Variants in EIF4G3 observed in about 807,000 individuals in gnomAD.
EIF4G3 encodes the protein eukaryotic translation initiation factor 4 gamma 3.
Under a neutral mutation model 186.4 loss-of-function variants are expected in EIF4G3, and 34 were observed. The ratio of observed to expected loss-of-function variants is 0.18; its 90% CI spans 0.14 to 0.24. The LOEUF is 0.24. Ranked by LOEUF, EIF4G3 falls within the 10% of genes least tolerant of loss-of-function variation. EIF4G3 has a pLI of 1.00. For missense variants in EIF4G3, 1,536 were observed against 1,948.5 expected, an observed-to-expected ratio of 0.79 and a Z score of 3.99; for synonymous variants, 673 against 679.5, an observed-to-expected ratio of 0.99 and a Z score of 0.15.
chr1:21,014,635 C>CATT (rs2088302959), intron 4 of EIF4G3, among the ~76,000 whole-genome samples: 1 of 128,184 alleles, frequency 7.8e-6, no homozygotes. Flanking sequence ...AGACAAACAC[C>CATT]TTTTTTTTTT....
rs557402866 is a variant in EIF4G3 at position 21,001,244 on chromosome 1, G to T, written c.99C>A (p.Pro33=). 2 of 471,434 alleles carry T rather than the reference G, an allele frequency of 4.2e-6. No individual in the cohort carries two copies. The highest frequency in any genetic ancestry group is 4.0e-5 in the African/African-American group (2 of 50,072). The allele number at this position is 471,434 out of a possible 1,614,324, so 29.2% of individuals were successfully genotyped here. Residue 33 remains proline (P), a synonymous_variant, in exon 6 of 37, where the codon CCC becomes CCA. Coordinates refer to ENST00000602326, the MANE Select transcript of EIF4G3 (RefSeq NM_001391906.1). ...WKRRKVLEQT[P]VYRSLAGRGW... Reference sequence around the variant, plus strand: ...CTCTTCCAGCCAAGGACCTGTAAACGGGAGTCTGTTCCAAAACCTTCCTCC... The same window carrying T: ...CTCTTCCAGCCAAGGACCTGTAAACTGGAGTCTGTTCCAAAACCTTCCTCC...
intron 23 of EIF4G3, among the ~76,000 whole-genome samples, chr1:20,861,173 T>C (rs1387552367): frequency 6.6e-6 from 1 of 152,222 alleles, no homozygotes; most frequent in Non-Finnish European, 1.5e-5. Context: ...CATCTAGTCT[T>C]AGCAAGATAA....
chr1:21,023,778 T>A (rs2091424460), intron 4 of EIF4G3, among the ~76,000 whole-genome samples: 1 of 138,220 alleles, frequency 7.2e-6, no homozygotes, highest in African/African-American at 2.8e-5. Context: ...GTGAGGAGCG[T>A]CTCCGCCCGG....
intron 4 of EIF4G3, among the ~76,000 whole-genome samples, chr1:21,012,943 C>T (rs974262563): frequency 6.6e-6 from 1 of 152,128 alleles, no homozygotes; most frequent in Admixed American, 6.6e-5. Flanking sequence ...CACACATTCC[C>T]ACTGAAAAAA....
intron 30 of EIF4G3, among the ~76,000 whole-genome samples, chr1:20,833,291 CAGTGGTTTGTAGTTCTCCTTGAAG>C (rs1334853591): frequency 6.6e-6 from 1 of 151,740 alleles, no homozygotes; most frequent in African/African-American, 2.4e-5. Context: ...TTTCCTTGAG[CAGTGGTTTGTAGTTCTCCTTGAAG>C]AGGTCCTTCA....
intron 13 of EIF4G3, among the ~76,000 whole-genome samples, chr1:20,943,974 T>TTTTTTGTG (rs2095829221): frequency 1.6e-5 from 1 of 62,468 alleles, no homozygotes; most frequent in African/African-American, 5.5e-5. Flanking sequence ...TTTATTTTTT[T>TTTTTTGTG]TGTGTGTGTG....
At chr1:21,061,098 A>T (rs1249966569) in intron 3 of EIF4G3, among the ~76,000 whole-genome samples, 1 of 152,172 alleles carries the variant, frequency 6.6e-6, no homozygotes, top group African/African-American at 2.4e-5. Flanking sequence ...TAGATTATGG[A>T]TATCAGGGAT....
At chr1:21,055,098 T>C (rs2094501246) in intron 3 of EIF4G3, among the ~76,000 whole-genome samples, 1 of 152,176 alleles carries the variant, frequency 6.6e-6, no homozygotes, top group Non-Finnish European at 1.5e-5. Flanking sequence ...AAAAGTTGGA[T>C]TGCTATTTAA....
At chr1:21,114,714 TA>T (rs201551229) in intron 2 of EIF4G3, among the ~76,000 whole-genome samples, 3 of 149,102 alleles carry the variant, frequency 2.0e-5, no homozygotes, top group African/African-American at 4.8e-5. Context: ...CAACACTTAA[TA>T]AAAAAAATTT....
intron 2 of EIF4G3, among the ~76,000 whole-genome samples, chr1:21,101,562 GAA>G (rs57590306): frequency 2.8e-5 from 1 of 35,370 alleles, no homozygotes; most frequent in Non-Finnish European, 5.3e-5. Context: ...AGGGTCTCAG[GAA>G]AAAAAAAAAA....
chr1:20,879,750 C>G lies in EIF4G3; in HGVS notation c.2425-230G>C, dbSNP rs556626961. ...TAGAAATAGGTATATACACACTTAG[C>G]TGGTGGGAGCATTATCTGTTAACAT... is the stretch of plus-strand genomic sequence containing the variant. On this transcript the variant is annotated intron_variant, in intron 19 of 36. Transcript: ENST00000602326. Among the ~76,000 whole-genome samples, 23 of 152,180 alleles carry G rather than the reference C, an allele frequency of 1.5e-4. No individual in the cohort carries two copies. The South Asian group carries it at 4.8e-3, about 32-fold the overall frequency.
At chr1:20,839,390 C>T (rs1252082267) in intron 30 of EIF4G3, among the ~76,000 whole-genome samples, 1 of 152,042 alleles carries the variant, frequency 6.6e-6, no homozygotes, top group East Asian at 1.9e-4. Context: ...GGATTACAGG[C>T]GTGAGTCACC....
intron 3 of EIF4G3, among the ~76,000 whole-genome samples, chr1:21,057,653 T>G (rs886885855): frequency 9.2e-5 from 14 of 152,256 alleles, no homozygotes; most frequent in Admixed American, 2.6e-4. Flanking sequence ...TTTTATGTAC[T>G]TATATGAACG....
At chr1:20,950,222 T>A in intron 12 of EIF4G3, 111 bp from the exon 13 acceptor site, 2 of 651,020 alleles carry the variant, frequency 3.1e-6, no homozygotes, top group Non-Finnish European at 2.4e-6. Context: ...ATCACAAAAT[T>A]AAAAAAGGAA....
At chr1:21,144,785 G>T (rs1345977167) in intron 2 of EIF4G3, among the ~76,000 whole-genome samples, 1 of 152,098 alleles carries the variant, frequency 6.6e-6, no homozygotes, top group Non-Finnish European at 1.5e-5. Flanking sequence ...ATTTTACCAG[G>T]CCAGATTTCT....
intron 20 of EIF4G3, among the ~76,000 whole-genome samples, chr1:20,878,524 G>C (rs1198162669): frequency 6.6e-6 from 1 of 152,098 alleles, no homozygotes; most frequent in East Asian, 1.9e-4. Flanking sequence ...AACCCCAAAA[G>C]ACTTACCTAC....
chr1:21,145,817 A>AT (rs2097430157), intron 2 of EIF4G3, among the ~76,000 whole-genome samples: 2 of 152,192 alleles, frequency 1.3e-5, no homozygotes, highest in African/African-American at 4.8e-5. Flanking sequence ...GTAGTGGCTC[A>AT]TATCTGCAAT....
intron 12 of EIF4G3, among the ~76,000 whole-genome samples, chr1:20,963,313 C>G (rs1037668436): frequency 2.0e-5 from 3 of 151,926 alleles, no homozygotes; most frequent in Non-Finnish European, 4.4e-5. Flanking sequence ...CAAAAAATTT[C>G]CCAATGTATT....
At chr1:21,007,981 G>T (rs2085768602) in intron 4 of EIF4G3, among the ~76,000 whole-genome samples, 1 of 152,116 alleles carries the variant, frequency 6.6e-6, no homozygotes, top group Non-Finnish European at 1.5e-5. Context: ...AGCTTCTCCT[G>T]CATGAAATAC....
Sources: gnomAD v4.1 joint callset for allele counts (sites outside exome capture counted in the v4.1 genomes callset) on GRCh38, gnomAD v4.1.1 for gene constraint, MANE v1.5 for transcripts, NCBI Gene and HGNC (gene_info 2026-07-23, HGNC 2026-07-21) for gene names.